The following BMP2K variants were observed in gnomAD, a reference collection of about 807,000 sequenced individuals.
The protein encoded by BMP2K is BMP2 inducible kinase, also known as BMP-2-inducible protein kinase.
BMP2K carries 74 observed loss-of-function variants against 116.0 expected under a neutral mutation model. That is an observed-to-expected ratio of 0.64 (90% CI 0.53 to 0.77). The LOEUF (loss-of-function observed/expected upper bound fraction) is 0.77, where lower values mean the gene tolerates loss of function less well. Ranked by LOEUF, BMP2K falls within the 30% of genes least tolerant of loss-of-function variation. BMP2K has a pLI of 0.00. For missense variants in BMP2K, 1,365 were observed against 1,403.6 expected (o/e 0.97, Z 0.44); for synonymous variants, 486 against 502.5 (o/e 0.97, Z 0.44).
chr4:78,890,819 T>G (rs1425961652), intron 15 of BMP2K, among the ~76,000 whole-genome samples: 9 of 152,216 alleles, frequency 5.9e-5, no homozygotes, highest in Non-Finnish European at 1.3e-4. Context: ...CTGGAGCTCT[T>G]CTCATCCTTT....
intron 14 of BMP2K, among the ~76,000 whole-genome samples, chr4:78,880,146 C>T (rs1732827171): frequency 6.6e-6 from 1 of 152,202 alleles, no homozygotes; most frequent in Non-Finnish European, 1.5e-5. Context: ...AATCTCGGCT[C>T]ACCGCAACCT....
intron 1 of BMP2K, among the ~76,000 whole-genome samples, chr4:78,780,522 A>G (rs1167891846): frequency 5.9e-5 from 9 of 152,234 alleles, no homozygotes; most frequent in Admixed American, 5.9e-4. Flanking sequence ...ACTATAAATT[A>G]GTAGGGAAAT....
intron 10 of BMP2K, among the ~76,000 whole-genome samples, 192 bp from the exon 11 acceptor site, chr4:78,870,591 G>A (rs961351511): frequency 1.3e-5 from 2 of 152,162 alleles, no homozygotes; most frequent in South Asian, 2.1e-4. Context: ...AGTTGTAGAC[G>A]ACAAAATTAA....
chr4:78,785,674 G>A (rs1171122697), intron 1 of BMP2K, among the ~76,000 whole-genome samples: 1 of 152,056 alleles, frequency 6.6e-6, no homozygotes, highest in Admixed American at 6.6e-5. Flanking sequence ...TGAGGAGGAG[G>A]TATGACAGTA....
chr4:78,853,950 C>A (rs923958432), intron 7 of BMP2K, among the ~76,000 whole-genome samples: 1 of 152,086 alleles, frequency 6.6e-6, no homozygotes, highest in African/African-American at 2.4e-5. Flanking sequence ...GCAGGACATG[C>A]TGTCAGACAC....
Position 78,851,047 on chromosome 4 carries a change from T to C in BMP2K, c.874T>C (p.Cys292Arg), listed in dbSNP as rs938291716. The change falls in exon 7 of 16, where the codon TGC becomes CGC. Residue 292 changes from cysteine (C) to arginine (R), a missense_variant. Cys to Arg is a radical substitution (Grantham distance 180). Transcript: ENST00000502613. ...TTCTCGTTACTCCCGTAACATACAT[T>C]GCTTAATAAGTAAGTATTTGGGAAA... is the stretch of plus-strand genomic sequence containing the variant. The part of the protein sequence containing the change: ...DNSRYSRNIH[C>R]LIRFMLEPDP... The C allele has an allele frequency of 6.2e-7, 1 of 1,609,432 alleles. No homozygotes were observed. Among genetic ancestry groups the C allele is most frequent in the African/African-American group, 1.3e-5 (1 of 74,842 alleles).
At chr4:78,897,084 T>A (rs1000237370) in intron 15 of BMP2K, among the ~76,000 whole-genome samples, 3 of 151,528 alleles carry the variant, frequency 2.0e-5, no homozygotes, top group South Asian at 2.1e-4. Flanking sequence ...TAGTATGATT[T>A]TATATATATA....
At chr4:78,795,747 T>C (rs541999544) in intron 1 of BMP2K, among the ~76,000 whole-genome samples, 1 of 152,178 alleles carries the variant, frequency 6.6e-6, no homozygotes, top group South Asian at 2.1e-4. Context: ...CAGACACTTC[T>C]CAAAAGAAGA....
rs533413629 is a variant in BMP2K, at chr4:78,879,082, A to C, written c.1951+191A>C. On this transcript the variant is annotated intron_variant, in intron 14 of 15. Transcript: ENST00000502613. ...GTGCATTAGAAATCAGTTGCTTGAT[A>C]GTAGCTATTAAACCCAATATTGCTG... The C allele has an allele frequency of 1.5e-5, 20 of 1,351,574 alleles. No homozygotes were observed. In the African/African-American group the frequency reaches 2.9e-4, roughly 20 times the overall value. The allele number at this position is 1,351,574 out of a possible 1,614,324, so 83.7% of individuals were successfully genotyped here.
intron 10 of BMP2K, 98 bp from the exon 11 acceptor site, chr4:78,870,685 T>A (rs1007749374): frequency 4.3e-5 from 61 of 1,432,226 alleles, no homozygotes; most frequent in Non-Finnish European, 4.8e-5. Context: ...AGGATATAAA[T>A]GCCTTAGTTA....
At chr4:78,781,524 G>T (rs964441861) in intron 1 of BMP2K, among the ~76,000 whole-genome samples, 15 of 152,004 alleles carry the variant, frequency 9.9e-5, no homozygotes, top group Non-Finnish European at 1.6e-4. Flanking sequence ...TATCAAATGG[G>T]AAGCTGGGTA....
At chr4:78,852,751 A>G (rs1005939656) in intron 7 of BMP2K, among the ~76,000 whole-genome samples, 1 of 152,098 alleles carries the variant, frequency 6.6e-6, no homozygotes, top group Non-Finnish European at 1.5e-5. Context: ...AACTATGGGC[A>G]TGTGCCACCA....
At chr4:78,876,002 AG>A in intron 13 of BMP2K, among the ~76,000 whole-genome samples, 1 of 152,282 alleles carries the variant, frequency 6.6e-6, no homozygotes, top group South Asian at 2.1e-4. Flanking sequence ...CTCATGTTCA[AG>A]GGCAGTGAAA....
intron 3 of BMP2K, among the ~76,000 whole-genome samples, chr4:78,841,597 A>T (rs1730763397): frequency 6.6e-6 from 1 of 152,090 alleles, no homozygotes; most frequent in Non-Finnish European, 1.5e-5. Context: ...CAGATGAGGA[A>T]GTTTCTTTGG....
chr4:78,853,161 G>C (rs73830211), intron 7 of BMP2K, among the ~76,000 whole-genome samples: 1 of 152,090 alleles, frequency 6.6e-6, no homozygotes, highest in East Asian at 1.9e-4. Context: ...CATCGTTTTC[G>C]TATTAGTTCC....
At chr4:78,798,984 ATTATT>A (rs1206119218) in intron 1 of BMP2K, among the ~76,000 whole-genome samples, 3 of 152,234 alleles carry the variant, frequency 2.0e-5, no homozygotes, top group Non-Finnish European at 2.9e-5. Context: ...ACATTATCAA[ATTATT>A]TTATTTTGAG....
chr4:78,825,964 T>C (rs1361399911), intron 1 of BMP2K, 73 bp from the exon 2 acceptor site: 4 of 1,137,542 alleles, frequency 3.5e-6, no homozygotes, highest in African/African-American at 3.1e-5. Context: ...TCCAATATGC[T>C]CTATGATTAT....
intron 10 of BMP2K, among the ~76,000 whole-genome samples, chr4:78,870,161 C>T (rs1732261351): frequency 6.6e-6 from 1 of 152,028 alleles, no homozygotes; most frequent in South Asian, 2.1e-4. Context: ...AAATAAATAT[C>T]CATTTAGGAG....
Position 78,878,941 on chromosome 4 carries a change from T to C in BMP2K, c.1951+50T>C, listed in dbSNP as rs749830753. On this transcript the variant is annotated intron_variant, in intron 14 of 15. Transcript: ENST00000502613. The stretch of plus-strand genomic sequence containing the variant: ...TTGCTTCACAGTAAAATAACAGCTC[T>C]ATTATTATTCAGCAAGGCCAAAGAC... The C allele has an allele frequency of 1.3e-5, 21 of 1,575,124 alleles. No homozygotes were observed. The South Asian group carries it at 2.4e-4, about 18-fold the overall frequency.
Sources: gnomAD v4.1 joint callset for allele counts (sites outside exome capture counted in the v4.1 genomes callset) on GRCh38, gnomAD v4.1.1 for gene constraint, MANE v1.5 for transcripts, NCBI Gene and HGNC (gene_info 2026-07-23, HGNC 2026-07-21) for gene names.